LRBA: variants seen among roughly 807,000 people sequenced by gnomAD.
LRBA encodes LPS responsive beige-like anchor protein.
In LRBA, 176 loss-of-function variants were observed where a neutral mutation model predicts 330.0. That is an observed-to-expected ratio of 0.53 (90% CI 0.47 to 0.60). The LOEUF is 0.60. Ranked by LOEUF, LRBA falls within the 20% of genes least tolerant of loss-of-function variation. The pLI is 0.00. For missense variants in LRBA, 3,259 were observed against 3,444.8 expected (o/e 0.95, Z 1.35); for synonymous variants, 1,230 against 1,193.0 (o/e 1.03, Z -0.64).
chr4:150,630,059 C>T (rs1216482904), intron 37 of LRBA, among the ~76,000 whole-genome samples: 1 of 152,200 alleles, frequency 6.6e-6, no homozygotes, highest in Non-Finnish European at 1.5e-5. Flanking sequence ...CAGTTATCCA[C>T]AGAATCACCC....
intron 2 of LRBA, chr4:151,014,158 C>T (rs909131519): frequency 1.6e-5 from 5 of 318,930 alleles, no homozygotes; most frequent in Admixed American, 4.6e-5. Context: ...CCGCTAGAAC[C>T]TCCCCCCAAT....
chr4:150,541,470 T>C (rs10035076), intron 40 of LRBA, among the ~76,000 whole-genome samples: 98,743 of 152,024 alleles, frequency 0.65, 32,327 homozygotes, highest in East Asian at 0.7. Context: ...CCATCCAAAC[T>C]ACTTCATATA....
chr4:150,853,045 C>A, intron 22 of LRBA, 102 bp from the exon 23 acceptor site: 1 of 499,868 alleles, frequency 2.0e-6, no homozygotes, highest in Non-Finnish European at 3.3e-6. Context: ...TTATATAATA[C>A]AATAAAACTT....
intron 44 of LRBA, among the ~76,000 whole-genome samples, chr4:150,443,872 ATTTTTTTTTTTTTT>A (rs61403112): frequency 3.4e-5 from 3 of 88,434 alleles, no homozygotes; most frequent in East Asian, 3.7e-4. Context: ...ATATATATAT[ATTTTTTTTTTTTTT>A]TTTTTTTAAA....
intron 40 of LRBA, among the ~76,000 whole-genome samples, chr4:150,531,103 C>T (rs989001323): frequency 6.6e-6 from 1 of 152,098 alleles, no homozygotes; most frequent in Admixed American, 6.5e-5. Context: ...TCTCTCCCAC[C>T]CACTTTAGAA....
chr4:150,653,481 G>C (rs958047554), intron 37 of LRBA, among the ~76,000 whole-genome samples: 1 of 151,960 alleles, frequency 6.6e-6, no homozygotes, highest in African/African-American at 2.4e-5. Context: ...CCTCACCCCA[G>C]GACCCTCTGG....
At chr4:150,567,331 G>A (rs1159169591) in intron 40 of LRBA, among the ~76,000 whole-genome samples, 1 of 152,026 alleles carries the variant, frequency 6.6e-6, no homozygotes, top group Admixed American at 6.6e-5. Flanking sequence ...GAAAGCTTTG[G>A]AGCTTCTTGT....
At chr4:150,467,053 A>G (rs1301456963) in intron 44 of LRBA, among the ~76,000 whole-genome samples, 2 of 152,096 alleles carry the variant, frequency 1.3e-5, no homozygotes, top group Non-Finnish European at 2.9e-5. Flanking sequence ...GAGAGCATGA[A>G]AGTTATCAAA....
chr4:150,687,386 G>A (rs942241185), intron 36 of LRBA, among the ~76,000 whole-genome samples: 3 of 151,990 alleles, frequency 2.0e-5, no homozygotes, highest in African/African-American at 4.8e-5. Flanking sequence ...GCTATTTATC[G>A]GTAACATAAA....
rs779256984 is a variant in LRBA, at chr4:150,828,623, T to C, written c.4730-2A>G. Reference sequence around the variant, plus strand: ...TGCTGAATGCTGCTGGTGTGATTTCTATATCATACCCAGAAACACAAGAAA... The same window carrying C: ...TGCTGAATGCTGCTGGTGTGATTTCCATATCATACCCAGAAACACAAGAAA... On this transcript the variant is annotated splice_acceptor_variant, in intron 29 of 56. Transcript: ENST00000651943. LOFTEE classifies it high-confidence loss of function. 7 of 1,606,666 alleles carry C rather than the reference T, an allele frequency of 4.4e-6. No homozygotes were observed. The highest frequency in any genetic ancestry group is 6.0e-6 in the Non-Finnish European group (7 of 1,175,638).
chr4:150,609,118 C>G (rs563565898), intron 37 of LRBA, among the ~76,000 whole-genome samples: 1 of 152,172 alleles, frequency 6.6e-6, no homozygotes, highest in Non-Finnish European at 1.5e-5. Flanking sequence ...TTCCTAATAA[C>G]TGAATTACAA....
At chr4:150,791,293 G>C (rs1739872757) in intron 34 of LRBA, among the ~76,000 whole-genome samples, 1 of 152,124 alleles carries the variant, frequency 6.6e-6, no homozygotes, top group South Asian at 2.1e-4. Flanking sequence ...TGTGGAATTT[G>C]CTGTATTGAA....
chr4:150,780,085 T>C (rs1462500559), intron 34 of LRBA, among the ~76,000 whole-genome samples: 1 of 152,126 alleles, frequency 6.6e-6, no homozygotes, highest in Non-Finnish European at 1.5e-5. Context: ...AACAGCAGTT[T>C]TTAAGTAAAA....
intron 47 of LRBA, among the ~76,000 whole-genome samples, chr4:150,370,297 T>C (rs1014207322): frequency 2.6e-5 from 4 of 152,154 alleles, no homozygotes; most frequent in Non-Finnish European, 5.9e-5. Context: ...TATATTTTAG[T>C]AGGTGAATGG....
chr4:150,576,282 A>G (rs530987399), intron 40 of LRBA, among the ~76,000 whole-genome samples: 120 of 151,868 alleles, frequency 7.9e-4, no homozygotes, highest in Non-Finnish European at 1.4e-3. Context: ...ATGTATGTAA[A>G]TAAAAGAATG....
intron 40 of LRBA, among the ~76,000 whole-genome samples, chr4:150,492,977 T>G (rs920674728): frequency 6.6e-6 from 1 of 152,128 alleles, no homozygotes; most frequent in Non-Finnish European, 1.5e-5. Context: ...TACCTGAAAT[T>G]TTAAATATTA....
intron 53 of LRBA, among the ~76,000 whole-genome samples, chr4:150,297,872 G>C (rs1176662942): frequency 6.6e-6 from 1 of 152,072 alleles, no homozygotes; most frequent in East Asian, 1.9e-4. Flanking sequence ...TCCAGGTTAG[G>C]GTAGGGTAAA....
At chr4:150,621,846 G>C (rs1180088567) in intron 37 of LRBA, among the ~76,000 whole-genome samples, 1 of 152,100 alleles carries the variant, frequency 6.6e-6, no homozygotes, top group Non-Finnish European at 1.5e-5. Context: ...GCAGTTGTGC[G>C]ATGTCTTAGC....
intron 34 of LRBA, among the ~76,000 whole-genome samples, chr4:150,780,294 T>C (rs1243843283): frequency 6.6e-6 from 1 of 152,098 alleles, no homozygotes; most frequent in African/African-American, 2.4e-5. Flanking sequence ...TAGCATTCAG[T>C]AGGAGCAAAT....
Sources: gnomAD v4.1 joint callset for allele counts (sites outside exome capture counted in the v4.1 genomes callset) on GRCh38, gnomAD v4.1.1 for gene constraint, MANE v1.5 for transcripts, NCBI Gene and HGNC (gene_info 2026-07-23, HGNC 2026-07-21) for gene names.